The following LRP2 variants were observed in gnomAD, a reference collection of about 807,000 sequenced individuals.
The protein encoded by LRP2 is LDL receptor related protein 2, also known as low-density lipoprotein receptor-related protein 2.
A neutral mutation model predicts 531.0 loss-of-function variants in LRP2; 172 were observed. The ratio of observed to expected loss-of-function variants is 0.32; its 90% CI spans 0.29 to 0.37. LRP2 has a LOEUF of 0.37. Ranked by LOEUF, LRP2 falls within the 10% of genes least tolerant of loss-of-function variation. LRP2 has a pLI of 1.00. For synonymous variants in LRP2, 1,992 were observed against 2,027.6 expected, an observed-to-expected ratio of 0.98 and a Z score of 0.47; for missense variants, 5,167 against 5,868.3, an observed-to-expected ratio of 0.88 and a Z score of 3.90.
At chr2:169,326,836 G>A (rs1438112177) in intron 1 of LRP2, among the ~76,000 whole-genome samples, 307 of 142,326 alleles carry the variant, frequency 2.2e-3, no homozygotes, top group African/African-American at 7.3e-3. Context: ...GCCGCCCATC[G>A]TCTGAGATGT....
intron 1 of LRP2, among the ~76,000 whole-genome samples, 174 bp downstream of exon 1, chr2:169,362,147 C>G (rs1686184827): frequency 6.6e-6 from 1 of 152,228 alleles, no homozygotes; most frequent in South Asian, 2.1e-4. Context: ...CGAAGAGGGG[C>G]GCTCCCGCTC....
Position 169,156,329 on chromosome 2 carries a change from A to G in LRP2, c.12096T>C (p.Cys4032=), listed in dbSNP as rs2105361495. The G allele has an allele frequency of 6.2e-7, 1 of 1,613,770 alleles. No individual in the cohort carries two copies. The highest frequency in any genetic ancestry group is 8.5e-7 in the Non-Finnish European group (1 of 1,179,720). Residue 4032 remains cysteine, a synonymous_variant, in exon 65 of 79, where the codon TGT becomes TGC. Transcript: ENST00000649046. ...RNTKGSYECV[C]ADGFTSMSDR... is the part of the protein sequence containing the mutation. ...CACTCATAGACGTGAAGCCATCAGC[A>G]CAGACACACTCATAACTTCCTTTGG...
At position 169,192,005 on chromosome 2, in the gene LRP2, A is replaced by G. The variant is rs201484298; in HGVS notation, c.8859T>C (p.Phe2953=). The stretch of plus-strand genomic sequence containing the variant: ...CCGGAGGTCTGTCATTTACACAGAG[A>G]AACTCGGAATCCGAGCAGTTTTGAT... ...CQNQNCSDSE[F]LCVNDRPPDR... The change falls in exon 48 of 79, where the codon TTT becomes TTC. Residue 2953 remains phenylalanine (F), a synonymous_variant. Coordinates refer to ENST00000649046, the MANE Select transcript of LRP2 (RefSeq NM_004525.3). 7.3e-5 allele frequency: 117 copies of G among 1,613,258 alleles called. No homozygotes were observed. Among genetic ancestry groups the G allele is most frequent in the Non-Finnish European group, 4.2e-6 (5 of 1,179,166 alleles).
chr2:169,261,355 G>T (rs186021639), intron 16 of LRP2, among the ~76,000 whole-genome samples: 16 of 151,866 alleles, frequency 1.1e-4, no homozygotes, highest in Admixed American at 8.5e-4. Context: ...TTTCTTTAGA[G>T]ACAGGTCTTA....
intron 29 of LRP2, among the ~76,000 whole-genome samples, chr2:169,234,773 G>T (rs1465771417): frequency 6.6e-6 from 1 of 152,088 alleles, no homozygotes; most frequent in East Asian, 1.9e-4. Flanking sequence ...TTTAATGGGG[G>T]TCAATAACAG....
At chr2:169,245,920 G>C (rs1271102706) in intron 21 of LRP2, among the ~76,000 whole-genome samples, 3 of 152,122 alleles carry the variant, frequency 2.0e-5, no homozygotes, top group African/African-American at 7.2e-5. Context: ...TGCACAGGCT[G>C]AAGTACACGG....
chr2:169,326,757 A>G (rs9678407), intron 1 of LRP2, among the ~76,000 whole-genome samples: 32,324 of 141,048 alleles, frequency 0.23, 2,738 homozygotes, highest in African/African-American at 0.32. Flanking sequence ...CCGCCATCCC[A>G]TCTAGGAAGT....
In LRP2 at chr2:169,128,984, CT is replaced by C. The variant is rs763158434; in HGVS notation, c.13800+28del. On this transcript the variant is annotated intron_variant, in intron 78 of 78. Coordinates refer to ENST00000649046, the MANE Select transcript of LRP2 (RefSeq NM_004525.3). ...GCAAATAATTTCTAAGAAAAAATGTCTGTGCTAAGAAAAATTGTTAAAAATT... is the reference window on the plus strand; with the variant it reads ...GCAAATAATTTCTAAGAAAAAATGTCGTGCTAAGAAAAATTGTTAAAAATT... 8.3e-6 allele frequency: 13 copies of C among 1,569,854 alleles called. No individual in the cohort carries two copies. The African/African-American group carries it at 1.1e-4, about 13-fold the overall frequency.
chr2:169,176,272 T>A (rs1687189627), intron 54 of LRP2, 139 bp downstream of exon 54: 3 of 890,456 alleles, frequency 3.4e-6, no homozygotes, highest in African/African-American at 1.7e-5. Flanking sequence ...AGGCTGAGAG[T>A]CTTGCTGTGT....
chr2:169,268,341 T>C (rs1683294208), intron 16 of LRP2, among the ~76,000 whole-genome samples: 1 of 152,106 alleles, frequency 6.6e-6, no homozygotes, highest in Admixed American at 6.6e-5. Flanking sequence ...TGATGAACAT[T>C]GATGCAAAAA....
At chr2:169,324,627 G>C (rs1386487197) in intron 1 of LRP2, among the ~76,000 whole-genome samples, 1 of 119,426 alleles carries the variant, frequency 8.4e-6, no homozygotes, top group East Asian at 2.3e-4. Flanking sequence ...CCCAAAGCTA[G>C]GGGAAAAAAA....
Position 169,174,091 on chromosome 2 carries a change from G to A in LRP2, c.10842C>T (p.Asp3614=), listed in dbSNP as rs377746400. 5.0e-6 allele frequency: 8 copies of A among 1,614,204 alleles called. No homozygotes were observed. The highest frequency in any genetic ancestry group is 1.3e-5 in the African/African-American group (1 of 75,044). ...AGTTATCCTCACAGTCGTTAAATGTGTCACACTGCCAGGATTCTGGGATGC... is the reference window on the plus strand; with the variant it reads ...AGTTATCCTCACAGTCGTTAAATGTATCACACTGCCAGGATTCTGGGATGC... ...KRCIPESWQC[D]TFNDCEDNSD... Residue 3614 remains aspartate, a synonymous_variant, in exon 56 of 79, where the codon GAC becomes GAT. Transcript: ENST00000649046.
At chr2:169,150,107 C>T (rs1686068346) in intron 68 of LRP2, among the ~76,000 whole-genome samples, 1 of 152,126 alleles carries the variant, frequency 6.6e-6, no homozygotes, top group Non-Finnish European at 1.5e-5. Flanking sequence ...TTTCATATTT[C>T]ATTGCTGAGT....
At position 169,301,877 on chromosome 2, in the gene LRP2, G is replaced by A. The variant is rs1684293851; in HGVS notation, c.427+5404C>T. ...GAACTACAACCTAGGGGTCTGGAAT[G>A]ACAGGCAGGGCTACAAACTACAACA... On this transcript the variant is annotated intron_variant, in intron 4 of 78. Transcript: ENST00000649046. 5.3e-5 allele frequency among the ~76,000 whole-genome samples: 8 copies of A among 152,138 alleles called. No individual in the cohort carries two copies. In the South Asian group the frequency reaches 1.7e-3, roughly 32 times the overall value.
At chr2:169,205,386 C>T in intron 41 of LRP2, 93 bp downstream of exon 41, 1 of 1,348,918 alleles carries the variant, frequency 7.4e-7, no homozygotes, top group South Asian at 1.2e-5. Flanking sequence ...ATCTGGCATG[C>T]TATATTTTCA....
Position 169,311,153 on chromosome 2 carries a change from T to C in LRP2, c.311-3756A>G, listed in dbSNP as rs541792612. ...TTGTTGATCTTTTCAAAAAACCAGC[T>C]CCTGGATTCATTGATTTTTTGAAGG... On this transcript the variant is annotated intron_variant, in intron 3 of 78. Transcript: ENST00000649046. Among the ~76,000 whole-genome samples, 319 of 152,296 alleles carry C rather than the reference T, an allele frequency of 2.1e-3. 1 individual carries two copies. The highest frequency in any genetic ancestry group is 7.3e-3 in the African/African-American group (305 of 41,564).
intron 76 of LRP2, among the ~76,000 whole-genome samples, chr2:169,137,020 A>C (rs1343897424): frequency 6.6e-6 from 1 of 152,182 alleles, no homozygotes; most frequent in African/African-American, 2.4e-5. Flanking sequence ...GTGACCTGAC[A>C]ATTCTCCACT....
At chr2:169,291,133 A>C (rs1683988365) in intron 7 of LRP2, 136 bp from the exon 8 acceptor site, 2 of 745,702 alleles carry the variant, frequency 2.7e-6, no homozygotes, top group Admixed American at 5.5e-5. Flanking sequence ...ACAATAAGTT[A>C]GTGATTTCTA....
At chr2:169,314,613 C>A (rs147010774) in intron 3 of LRP2, among the ~76,000 whole-genome samples, 78 of 152,226 alleles carry the variant, frequency 5.1e-4, no homozygotes, top group African/African-American at 1.9e-3. Context: ...GTTTAATTAG[C>A]AAAATGGTGT....
Sources: allele counts gnomAD v4.1 joint callset (sites outside exome capture counted in the v4.1 genomes callset), GRCh38; gene constraint gnomAD v4.1.1; transcripts MANE v1.5; gene names NCBI Gene and HGNC (gene_info 2026-07-23, HGNC 2026-07-21).